Variants in PLBD1 observed in about 807,000 individuals in gnomAD.
The protein encoded by PLBD1 is lysosomal leucine aminopeptidase.
Under a neutral mutation model 63.0 loss-of-function variants are expected in PLBD1, and 60 were observed. The observed-to-expected ratio is 0.95, with a 90% CI of 0.77 to 1.18. The LOEUF (loss-of-function observed/expected upper bound fraction) is 1.18. Among genes scored for constraint, PLBD1 ranks in the 50% most tolerant of loss-of-function variants. The pLI is 0.00. For synonymous variants in PLBD1, 262 were observed against 248.0 expected (o/e 1.06, Z -0.53); for missense variants, 598 against 677.9 (o/e 0.88, Z 1.31).
chr12:14,513,035 AT>A (rs1945310590), intron 6 of PLBD1, among the ~76,000 whole-genome samples: 2 of 152,276 alleles, frequency 1.3e-5, no homozygotes, highest in African/African-American at 4.8e-5. Context: ...ATGGTCTCAA[AT>A]TTCTACCATG....
intron 1 of PLBD1, among the ~76,000 whole-genome samples, chr12:14,566,295 G>C (rs1945780509): frequency 6.6e-6 from 1 of 152,120 alleles, no homozygotes; most frequent in African/African-American, 2.4e-5. Context: ...CCACAGACTG[G>C]AAAGATTTAA....
intron 1 of PLBD1, 49 bp from the exon 2 acceptor site, chr12:14,553,461 A>G (rs1487284886): frequency 6.9e-7 from 1 of 1,440,674 alleles, no homozygotes; most frequent in East Asian, 2.3e-5. Flanking sequence ...ATGAGTTGTG[A>G]TGCATTTTTT....
At chr12:14,565,833 ATCCTT>A (rs1041595275) in intron 1 of PLBD1, among the ~76,000 whole-genome samples, 1 of 152,174 alleles carries the variant, frequency 6.6e-6, no homozygotes, top group Non-Finnish European at 1.5e-5. Flanking sequence ...GTAAGTAAGA[ATCCTT>A]TCCAGATTGC....
intron 1 of PLBD1, among the ~76,000 whole-genome samples, chr12:14,558,640 T>A (rs1945724884): frequency 6.6e-6 from 1 of 152,184 alleles, no homozygotes; most frequent in Admixed American, 6.5e-5. Flanking sequence ...ATTTTAGCTT[T>A]TTCTTCTTCT....
intron 9 of PLBD1, 78 bp from the exon 10 acceptor site, chr12:14,506,346 T>C: frequency 1.9e-6 from 2 of 1,026,984 alleles, no homozygotes; most frequent in Non-Finnish European, 3.0e-6. Flanking sequence ...TTTTGAGGCC[T>C]GTTAAAGCCT....
At chr12:14,544,326 A>G (rs1343578868) in intron 2 of PLBD1, among the ~76,000 whole-genome samples, 2 of 152,256 alleles carry the variant, frequency 1.3e-5, no homozygotes, top group East Asian at 3.9e-4. Context: ...GGCGTTTGCC[A>G]CCATGCCTGG....
chr12:14,544,124 C>T (rs1028232770), intron 2 of PLBD1, among the ~76,000 whole-genome samples: 2 of 151,894 alleles, frequency 1.3e-5, no homozygotes, highest in African/African-American at 2.4e-5. Context: ...CAATTGTCTG[C>T]AGTCTCATCT....
chr12:14,564,669 G>A (rs1482999814), intron 1 of PLBD1, among the ~76,000 whole-genome samples: 2 of 152,248 alleles, frequency 1.3e-5, no homozygotes, highest in African/African-American at 2.4e-5. Flanking sequence ...ATATCAGGGT[G>A]AATCAGCTTT....
intron 1 of PLBD1, among the ~76,000 whole-genome samples, chr12:14,566,639 C>T (rs1945785295): frequency 6.6e-6 from 1 of 151,972 alleles, no homozygotes; most frequent in Non-Finnish European, 1.5e-5. Context: ...GAGATAAAAC[C>T]TGTTTTTCCA....
intron 6 of PLBD1, among the ~76,000 whole-genome samples, chr12:14,532,313 C>T (rs574264772): frequency 1.2e-3 from 187 of 152,282 alleles, no homozygotes; most frequent in Non-Finnish European, 2.2e-3. Context: ...CCAGGCCTAG[C>T]CCGCCCCAAG....
chr12:14,553,279 C>T lies in PLBD1; in HGVS notation c.249G>A (p.Glu83=), dbSNP rs35543888. The T allele has an allele frequency of 2.8e-4, 455 of 1,614,192 alleles. 2 individuals carry two copies. In the African/African-American group the frequency reaches 5.5e-3, roughly 19 times the overall value. Residue 83 remains glutamate, a synonymous_variant, in exon 2 of 11, where the codon GAG becomes GAA. Transcript: ENST00000240617. ...SVKTTGWGIL[E]IRAGYGSQTL... Reference sequence around the variant, plus strand: ...TTTGAGAGCCATAGCCAGCTCTGATCTCCAGGATGCCCCAGCCTGTGGTTT... The same window carrying T: ...TTTGAGAGCCATAGCCAGCTCTGATTTCCAGGATGCCCCAGCCTGTGGTTT...
At chr12:14,558,103 TAA>T (rs150315413) in intron 1 of PLBD1, among the ~76,000 whole-genome samples, 1,503 of 149,948 alleles carry the variant, frequency 0.01, 35 homozygotes, top group African/African-American at 0.035. Flanking sequence ...AGTAGAGTCT[TAA>T]TACTAGAGCA....
rs569496083 is a variant in PLBD1, at chr12:14,526,308, G to A, written c.844+9351C>T. On this transcript the variant is annotated intron_variant, in intron 6 of 10. Transcript: ENST00000240617. ...TAGTTTGAAAGTAAACAGACATTCC[G>A]TTTGTGCTAACAAATTAAAATATGC... Among the ~76,000 whole-genome samples, 14 of 152,258 alleles carry A rather than the reference G, an allele frequency of 9.2e-5. No individual in the cohort carries two copies. The East Asian group carries it at 2.3e-3, about 25-fold the overall frequency.
At chr12:14,547,108 G>A (rs979851606) in intron 2 of PLBD1, among the ~76,000 whole-genome samples, 2 of 151,736 alleles carry the variant, frequency 1.3e-5, no homozygotes, top group Admixed American at 6.6e-5. Flanking sequence ...TTGAACTCCC[G>A]ACCTCAGGTG....
chr12:14,540,979 A>G, intron 3 of PLBD1, 77 bp from the exon 4 acceptor site: 1 of 1,383,634 alleles, frequency 7.2e-7, no homozygotes, highest in South Asian at 1.6e-5. Context: ...GCATTGAGAG[A>G]TTATATACTC....
At chr12:14,550,209 G>A (rs577446110) in intron 2 of PLBD1, among the ~76,000 whole-genome samples, 1 of 152,240 alleles carries the variant, frequency 6.6e-6, no homozygotes, top group South Asian at 2.1e-4. Context: ...AAGCTCTTTT[G>A]AGGTTGTTCT....
At chr12:14,565,680 T>C (rs1945775262) in intron 1 of PLBD1, among the ~76,000 whole-genome samples, 1 of 152,122 alleles carries the variant, frequency 6.6e-6, no homozygotes, top group Non-Finnish European at 1.5e-5. Flanking sequence ...CTTTACTCTT[T>C]GGTTGTTCGC....
At chr12:14,513,030 C>A (rs1945310557) in intron 6 of PLBD1, among the ~76,000 whole-genome samples, 1 of 152,118 alleles carries the variant, frequency 6.6e-6, no homozygotes, top group Non-Finnish European at 1.5e-5. Flanking sequence ...CTGAGATGGT[C>A]TCAAATTTCT....
At position 14,536,581 on chromosome 12, in the gene PLBD1, C is replaced by A; in HGVS notation, c.688G>T (p.Ala230Ser). The A allele has an allele frequency of 1.9e-6, 3 of 1,614,044 alleles. No individual in the cohort carries two copies. The highest frequency in any genetic ancestry group is 2.5e-6 in the Non-Finnish European group (3 of 1,179,980). ...FKRWDMGHCS[A>S]LIKVLPGFEN... ...CTGCTATGTCTTACCTTGATAAGAG[C>A]GGAGCAATGTCCCATGTCCCATCTC... Residue 230 changes from alanine (A) to serine (S), a missense_variant, in exon 5 of 11, where the codon GCT (alanine) becomes TCT (serine). By Grantham distance (99) the Ala-to-Ser change is moderately conservative. Transcript: ENST00000240617.
Sources: allele counts gnomAD v4.1 joint callset (sites outside exome capture counted in the v4.1 genomes callset), GRCh38; gene constraint gnomAD v4.1.1; transcripts MANE v1.5; gene names NCBI Gene and HGNC (gene_info 2026-07-23, HGNC 2026-07-21).